The following NGEF variants were observed in gnomAD, a reference collection of about 807,000 sequenced individuals.
NGEF encodes neuronal guanine nucleotide exchange factor.
Under a neutral mutation model 80.9 loss-of-function variants are expected in NGEF, and 31 were observed. The ratio of observed to expected loss-of-function variants is 0.38; its 90% CI spans 0.29 to 0.52. The LOEUF is 0.52. NGEF is among the 20% of genes least tolerant of loss of function. The pLI is 0.84. For missense variants in NGEF, 709 were observed against 926.2 expected (o/e 0.77, Z 3.04); for synonymous variants, 371 against 370.2 (o/e 1.00, Z -0.03).
chr2:232,896,704 GT>G (rs1689600236), intron 5 of NGEF, among the ~76,000 whole-genome samples: 2 of 37,066 alleles, frequency 5.4e-5, no homozygotes, highest in Non-Finnish European at 9.9e-5. Context: ...GGGGGTAGGG[GT>G]GGGGGTAGGG....
intron 1 of NGEF, among the ~76,000 whole-genome samples, chr2:232,984,508 C>T (rs1021913480): frequency 6.6e-6 from 1 of 152,176 alleles, no homozygotes; most frequent in African/African-American, 2.4e-5. Flanking sequence ...GTATCTATAA[C>T]CTGTGATGTG....
chr2:232,964,093 A>G (rs1246798537), intron 3 of NGEF, among the ~76,000 whole-genome samples: 2 of 152,186 alleles, frequency 1.3e-5, no homozygotes, highest in African/African-American at 4.8e-5. Flanking sequence ...CAATTCCAAG[A>G]GTTGACAAGG....
At chr2:232,964,445 C>T (rs1694016589) in intron 3 of NGEF, among the ~76,000 whole-genome samples, 2 of 152,060 alleles carry the variant, frequency 1.3e-5, no homozygotes, top group African/African-American at 4.8e-5. Context: ...GTAATCCCAA[C>T]ATTTTGGGAG....
intron 10 of NGEF, among the ~76,000 whole-genome samples, chr2:232,884,690 G>T (rs564012114): frequency 6.6e-6 from 1 of 152,184 alleles, no homozygotes; most frequent in South Asian, 2.1e-4. Flanking sequence ...AGGGGCAGGC[G>T]CCTGGCAGCC....
intron 5 of NGEF, among the ~76,000 whole-genome samples, chr2:232,905,488 A>G (rs1025522384): frequency 2.7e-4 from 41 of 152,142 alleles, no homozygotes; most frequent in Non-Finnish European, 5.6e-4. Context: ...TTGGCCCCCC[A>G]AAGTGCGGAG....
At chr2:232,940,257 T>A (rs1302369167) in intron 3 of NGEF, among the ~76,000 whole-genome samples, 1 of 152,208 alleles carries the variant, frequency 6.6e-6, no homozygotes, top group African/African-American at 2.4e-5. Context: ...AATAAGTGAA[T>A]ATCACCATAA....
intron 3 of NGEF, among the ~76,000 whole-genome samples, chr2:232,948,974 C>A (rs765369287): frequency 6.6e-6 from 1 of 152,036 alleles, no homozygotes; most frequent in Non-Finnish European, 1.5e-5. Context: ...GCCAAGATCA[C>A]GCCATTGCAC....
chr2:232,956,099 C>G (rs1197103256), intron 3 of NGEF, among the ~76,000 whole-genome samples: 1 of 152,136 alleles, frequency 6.6e-6, no homozygotes, highest in Non-Finnish European at 1.5e-5. Flanking sequence ...AGACGCCGCT[C>G]CTTTCCTTGT....
At chr2:232,989,312 G>A (rs575097084) in intron 1 of NGEF, among the ~76,000 whole-genome samples, 1 of 152,274 alleles carries the variant, frequency 6.6e-6, no homozygotes, top group South Asian at 2.1e-4. Context: ...GCCAGGCATG[G>A]TGGTGCACAC....
At position 232,994,898 on chromosome 2, in the gene NGEF, T is replaced by A. The variant is rs138822718; in HGVS notation, c.-75+18170A>T. ...TATATGGATATATACATGCATATAA[T>A]ACATACATACACATGTATTATATAC... On this transcript the variant is annotated intron_variant, in intron 1 of 14. Coordinates refer to ENST00000264051, the MANE Select transcript of NGEF (RefSeq NM_019850.3). Among the ~76,000 whole-genome samples the A allele has an allele frequency of 2.5e-3, 380 of 149,352 alleles. 3 individuals carry two copies. Among genetic ancestry groups the A allele is most frequent in the African/African-American group, 8.1e-3 (330 of 40,638 alleles).
At position 232,894,944 on chromosome 2, in the gene NGEF, G is replaced by T. The variant is rs370201579; in HGVS notation, c.829-28C>A. Reference sequence around the variant, plus strand: ...GTAGCAGGGAGACCCCATGGTTACCGCCTGAAGTTGGCCTTCCACGAAGGC... The same window carrying T: ...GTAGCAGGGAGACCCCATGGTTACCTCCTGAAGTTGGCCTTCCACGAAGGC... On this transcript the variant is annotated intron_variant, in intron 5 of 14. Transcript: ENST00000264051. 1.5e-5 allele frequency: 23 copies of T among 1,537,650 alleles called. No homozygotes were observed. In the African/African-American group the frequency reaches 2.8e-4, roughly 19 times the overall value.
intron 3 of NGEF, among the ~76,000 whole-genome samples, chr2:232,966,110 C>T (rs1694053854): frequency 6.6e-6 from 1 of 152,182 alleles, no homozygotes; most frequent in Admixed American, 6.5e-5. Flanking sequence ...GTCTGCTTCT[C>T]CCTCTCCAGG....
At chr2:233,009,299 A>T (rs1695154183) in intron 1 of NGEF, among the ~76,000 whole-genome samples, 2 of 152,086 alleles carry the variant, frequency 1.3e-5, no homozygotes, top group Admixed American at 1.3e-4. Flanking sequence ...TGCTTGGTTT[A>T]TCTCATTTGA....
intron 1 of NGEF, among the ~76,000 whole-genome samples, chr2:232,978,260 C>A (rs919863189): frequency 2.0e-5 from 3 of 151,872 alleles, no homozygotes; most frequent in Non-Finnish European, 4.4e-5. Context: ...TGGCTCACGT[C>A]TGTAATCCCA....
chr2:232,946,446 C>A (rs1644670072), intron 3 of NGEF, among the ~76,000 whole-genome samples: 1 of 151,738 alleles, frequency 6.6e-6, no homozygotes, highest in South Asian at 2.1e-4. Context: ...AAAAAATTTT[C>A]AAAAAAAGAA....
intron 3 of NGEF, among the ~76,000 whole-genome samples, chr2:232,956,324 G>C (rs578067453): frequency 1.4e-3 from 218 of 152,206 alleles, no homozygotes; most frequent in African/African-American, 5.0e-3. Context: ...CACCTCCCCA[G>C]AGCCAGCCCA....
rs777633582 is a variant in NGEF at position 232,905,674 on chromosome 2, C to T, written c.829-10758G>A. 1.2e-4 allele frequency: 46 copies of T among 383,130 alleles called. 1 individual carries two copies. Among genetic ancestry groups the T allele is most frequent in the South Asian group, 4.6e-4 (26 of 56,692 alleles). The allele number at this position is 383,130 out of a possible 1,614,324, so 23.7% of individuals were successfully genotyped here. On this transcript the variant is annotated intron_variant, in intron 5 of 14. Coordinates refer to ENST00000264051, the MANE Select transcript of NGEF (RefSeq NM_019850.3). The stretch of plus-strand genomic sequence containing the variant: ...GAAGTGAGGAGCGCCTCTTCCCGGC[C>T]GCCATCCCATCTAGGAAGTGAAGAG...
intron 1 of NGEF, among the ~76,000 whole-genome samples, chr2:232,990,970 G>A (rs541563400): frequency 1.3e-5 from 2 of 152,070 alleles, no homozygotes; most frequent in South Asian, 2.1e-4. Flanking sequence ...AATGAAACAA[G>A]GGACAAAAAC....
At chr2:232,993,597 A>C (rs988392109) in intron 1 of NGEF, among the ~76,000 whole-genome samples, 1 of 152,180 alleles carries the variant, frequency 6.6e-6, no homozygotes, top group East Asian at 1.9e-4. Flanking sequence ...GAAAACATAC[A>C]TCCACACACA....
Sources: allele counts gnomAD v4.1 joint callset (sites outside exome capture counted in the v4.1 genomes callset), GRCh38; gene constraint gnomAD v4.1.1; transcripts MANE v1.5; gene names NCBI Gene and HGNC (gene_info 2026-07-23, HGNC 2026-07-21).